CCDC146: variants seen among roughly 807,000 people sequenced by gnomAD.
CCDC146 encodes the protein coiled-coil domain-containing protein 146.
CCDC146 carries 92 observed loss-of-function variants against 119.3 expected under a neutral mutation model. That is an observed-to-expected ratio of 0.77 (90% CI 0.65 to 0.92). The LOEUF (loss-of-function observed/expected upper bound fraction) is 0.92. Ranked by LOEUF, CCDC146 falls within the 40% of genes least tolerant of loss-of-function variation. CCDC146 has a pLI of 0.00. For missense variants in CCDC146, 1,000 were observed against 1,103.0 expected (o/e 0.91, Z 1.32); for synonymous variants, 372 against 371.8 (o/e 1.00, Z -0.01).
intron 9 of CCDC146, among the ~76,000 whole-genome samples, chr7:77,264,799 A>G (rs953843560): frequency 6.6e-6 from 1 of 152,198 alleles, no homozygotes; most frequent in Non-Finnish European, 1.5e-5. Context: ...CCTTGGGATT[A>G]ATCAACGTTT....
rs374582832 is a variant in CCDC146, at chr7:77,262,144, G to C, written c.1010G>C (p.Arg337Pro). 1.2e-6 allele frequency: 2 copies of C among 1,605,736 alleles called. No individual in the cohort carries two copies. Among genetic ancestry groups the C allele is most frequent in the Non-Finnish European group, 1.7e-6 (2 of 1,176,618 alleles). Residue 337 changes from arginine to proline, a missense_variant, in exon 9 of 19, where the codon CGC becomes CCC. This residue lies in a region of CCDC146 where 985 missense variants were observed against 1,045.3 expected (regional missense o/e 0.94). Transcript: ENST00000285871. ...AGAGGGATCTTGGATCTCAATTTAC[G>C]CAACAGTCTCATTGACAAGCAGAAC... ...TERGILDLNL[R>P]NSLIDKQNYH...
At chr7:77,231,345 G>C (rs1228210426) in intron 2 of CCDC146, among the ~76,000 whole-genome samples, 2 of 151,912 alleles carry the variant, frequency 1.3e-5, no homozygotes, top group East Asian at 1.9e-4. Flanking sequence ...AATTTAATAA[G>C]GAAAGAAAAA....
chr7:77,204,260 G>GT (rs1792045306), intron 2 of CCDC146, among the ~76,000 whole-genome samples: 1 of 152,006 alleles, frequency 6.6e-6, no homozygotes, highest in Admixed American at 6.6e-5. Context: ...AATATCGACA[G>GT]TAAATATTTA....
chr7:77,256,923 G>A (rs957426999), intron 6 of CCDC146, among the ~76,000 whole-genome samples: 1 of 152,190 alleles, frequency 6.6e-6, no homozygotes, highest in East Asian at 1.9e-4. Flanking sequence ...GGCCAACATG[G>A]TGAAACCCTG....
intron 2 of CCDC146, among the ~76,000 whole-genome samples, chr7:77,225,406 A>G (rs1792489781): frequency 6.6e-6 from 1 of 151,930 alleles, no homozygotes; most frequent in Non-Finnish European, 1.5e-5. Flanking sequence ...AAGAAAACCT[A>G]GCGGGGCATG....
chr7:77,254,142 G>A (rs7811423), intron 4 of CCDC146, among the ~76,000 whole-genome samples: 2 of 152,138 alleles, frequency 1.3e-5, no homozygotes, highest in Non-Finnish European at 1.5e-5. Flanking sequence ...GTAGGAGATC[G>A]ATTGGGAGGC....
At chr7:77,245,266 C>T (rs908403092) in intron 4 of CCDC146, among the ~76,000 whole-genome samples, 5 of 152,030 alleles carry the variant, frequency 3.3e-5, no homozygotes, top group Non-Finnish European at 5.9e-5. Flanking sequence ...ATTGTAAATC[C>T]ATAATAAAGT....
At chr7:77,131,692 T>G (rs1489204505) in intron 1 of CCDC146, among the ~76,000 whole-genome samples, 1 of 152,234 alleles carries the variant, frequency 6.6e-6, no homozygotes, top group Non-Finnish European at 1.5e-5. Flanking sequence ...CACTTAAGCC[T>G]GGGCAACAGA....
intron 1 of CCDC146, among the ~76,000 whole-genome samples, chr7:77,151,186 A>T (rs1411317974): frequency 2.0e-5 from 3 of 152,118 alleles, no homozygotes; most frequent in Non-Finnish European, 4.4e-5. Flanking sequence ...TTACAAAGGC[A>T]TTAACCCCAT....
At position 77,278,733 on chromosome 7, in the gene CCDC146, A is replaced by T. The variant is rs200427141; in HGVS notation, c.1441-19A>T. 25 of 1,551,376 alleles carry T rather than the reference A, an allele frequency of 1.6e-5. No individual in the cohort carries two copies. Among genetic ancestry groups the T allele is most frequent in the East Asian group, 1.3e-4 (6 of 44,494 alleles). ...GTTCATATGTTGTTATTTATTTCACATTTTTTTGTACATTTCAGCAAAAAT... is the reference window on the plus strand; with the variant it reads ...GTTCATATGTTGTTATTTATTTCACTTTTTTTTGTACATTTCAGCAAAAAT... On this transcript the variant is annotated intron_variant, in intron 11 of 18. Coordinates refer to ENST00000285871, the MANE Select transcript of CCDC146 (RefSeq NM_020879.3).
intron 2 of CCDC146, chr7:77,195,922 GC>G (rs1372708106): frequency 5.3e-6 from 1 of 187,366 alleles, no homozygotes; most frequent in African/African-American, 2.4e-5. Context: ...ATTCCAAAGT[GC>G]TGGGATTACA....
chr7:77,224,846 A>G (rs1364825351), intron 2 of CCDC146, among the ~76,000 whole-genome samples: 1 of 152,154 alleles, frequency 6.6e-6, no homozygotes, highest in Non-Finnish European at 1.5e-5. Context: ...AAGGAAGACA[A>G]GTAAGGAAGT....
intron 9 of CCDC146, among the ~76,000 whole-genome samples, chr7:77,264,350 C>T (rs1309003325): frequency 3.3e-5 from 5 of 152,108 alleles, no homozygotes; most frequent in East Asian, 1.9e-4. Context: ...CTCCACCTCC[C>T]GGGTTTAAGC....
rs1779298836 is a variant in CCDC146 at position 77,271,555 on chromosome 7, T to TGG, written c.1174-2139_1174-2138insGG. The stretch of plus-strand genomic sequence containing the variant: ...ATATATATATATATATATATATATA[T>TGG]ATATATATATATATGGAGATACAAA... On this transcript the variant is annotated intron_variant, in intron 9 of 18. Coordinates refer to ENST00000285871, the MANE Select transcript of CCDC146 (RefSeq NM_020879.3). 4.0e-5 allele frequency among the ~76,000 whole-genome samples: 2 copies of TGG among 49,536 alleles called. 1 individual carries two copies. 32.5% of individuals were successfully genotyped at this position (49,536 alleles called of 152,430 possible). A position where few individuals can be genotyped will look rare whatever the true frequency, so the allele number is the denominator to read the frequency against.
At chr7:77,199,222 C>T (rs887375932) in intron 2 of CCDC146, 1 of 1,613,954 alleles carries the variant, frequency 6.2e-7, no homozygotes, top group Non-Finnish European at 8.5e-7. Context: ...ACACTTTGAA[C>T]ATTTGCCATC....
chr7:77,160,545 T>C (rs1791245496), intron 1 of CCDC146, among the ~76,000 whole-genome samples: 1 of 152,066 alleles, frequency 6.6e-6, no homozygotes, highest in South Asian at 2.1e-4. Flanking sequence ...TGAATGGGAG[T>C]TCACTCATGA....
At chr7:77,248,954 A>G (rs1250365097) in intron 4 of CCDC146, among the ~76,000 whole-genome samples, 7 of 152,244 alleles carry the variant, frequency 4.6e-5, no homozygotes, top group East Asian at 3.8e-4. Flanking sequence ...TCAATTTACA[A>G]TGATGACTGG....
intron 2 of CCDC146, among the ~76,000 whole-genome samples, chr7:77,193,042 A>C (rs1437427703): frequency 6.6e-6 from 1 of 152,128 alleles, no homozygotes; most frequent in Non-Finnish European, 1.5e-5. Context: ...GTAGGGATGA[A>C]AGTTGGACTG....
intron 1 of CCDC146, among the ~76,000 whole-genome samples, chr7:77,125,677 G>C (rs1790681657): frequency 6.6e-6 from 1 of 152,016 alleles, no homozygotes; most frequent in Non-Finnish European, 1.5e-5. Flanking sequence ...GAGGTCATAA[G>C]AGAGTTTTCA....
Sources: gnomAD v4.1 joint callset for allele counts (sites outside exome capture counted in the v4.1 genomes callset) on GRCh38, gnomAD v4.1.1 for gene constraint, gnomAD v4.1.1 regional missense constraint, MANE v1.5 for transcripts, NCBI Gene and HGNC (gene_info 2026-07-23, HGNC 2026-07-21) for gene names.